The following RBFOX1 variants were observed in gnomAD, a reference collection of about 807,000 sequenced individuals.
RBFOX1 encodes the protein RNA binding fox-1 homolog 1, also known as RNA binding protein fox-1 homolog 1.
A neutral mutation model predicts 57.7 loss-of-function variants in RBFOX1; 8 were observed. The observed-to-expected ratio is 0.14, with a 90% CI of 0.08 to 0.25. The LOEUF is 0.25. Among genes scored for constraint, RBFOX1 ranks in the 10% least tolerant of loss-of-function variants. The pLI is 1.00. For missense variants in RBFOX1, 611 were observed against 548.5 expected (o/e 1.11, Z -1.14); for synonymous variants, 326 against 222.4 (o/e 1.47, Z -4.15).
intron 3 of RBFOX1, among the ~76,000 whole-genome samples, chr16:6,657,428 C>T (rs2098667028): frequency 6.6e-6 from 1 of 151,994 alleles, no homozygotes. Flanking sequence ...CCCCTCACCC[C>T]AGCAGAACAG....
intron 1 of RBFOX1, among the ~76,000 whole-genome samples, chr16:6,099,683 C>CA (rs2096282017): frequency 6.6e-6 from 1 of 152,160 alleles, no homozygotes. Context: ...ACTTCACAAA[C>CA]AGAGTCACAA....
intron 3 of RBFOX1, among the ~76,000 whole-genome samples, chr16:6,986,237 G>T (rs1481743385): frequency 6.9e-6 from 1 of 144,676 alleles, no homozygotes; most frequent in African/African-American, 2.8e-5. Flanking sequence ...GTCTTGGTCT[G>T]TCACCCAGGC....
At chr16:6,851,661 C>G (rs1235750772) in intron 3 of RBFOX1, among the ~76,000 whole-genome samples, 1 of 152,092 alleles carries the variant, frequency 6.6e-6, no homozygotes, top group South Asian at 2.1e-4. Context: ...GAACAAGGCT[C>G]TAGGGTCGAG....
chr16:6,781,220 A>G (rs752429627), intron 3 of RBFOX1, among the ~76,000 whole-genome samples: 1 of 152,176 alleles, frequency 6.6e-6, no homozygotes, highest in East Asian at 1.9e-4. Context: ...TGTTGATATG[A>G]TATGTCACAT....
At chr16:6,592,276 A>T (rs1230356644) in intron 2 of RBFOX1, among the ~76,000 whole-genome samples, 1 of 152,202 alleles carries the variant, frequency 6.6e-6, no homozygotes, top group Non-Finnish European at 1.5e-5. Context: ...TGGACATTGC[A>T]TACATATTAA....
rs2094917120 is a variant in RBFOX1, at chr16:7,599,810, T to TA, written c.622+2380dup. Among the ~76,000 whole-genome samples the TA allele has an allele frequency of 2.0e-5, 3 of 150,998 alleles. No individual in the cohort carries two copies. The South Asian group carries it at 6.3e-4, about 32-fold the overall frequency. On this transcript the variant is annotated intron_variant, in intron 9 of 15. Coordinates refer to ENST00000550418, the MANE Select transcript of RBFOX1 (RefSeq NM_018723.4). The stretch of plus-strand genomic sequence containing the variant: ...ACAATGCCTGGCTAGTTTTTTTTTT[T>TA]ATTTTTTGTAGAGACGGAGTTTCAC...
At chr16:5,449,957 A>G (rs979909440) in intron 1 of RBFOX1, among the ~76,000 whole-genome samples, 3 of 152,190 alleles carry the variant, frequency 2.0e-5, no homozygotes, top group African/African-American at 7.2e-5. Context: ...AGCTATGCAG[A>G]GCTTTCTACA....
chr16:6,144,970 G>C (rs1026803356), intron 1 of RBFOX1, among the ~76,000 whole-genome samples: 1 of 152,062 alleles, frequency 6.6e-6, no homozygotes, highest in South Asian at 2.1e-4. Flanking sequence ...AGAAGTCCTG[G>C]ACATCATGGC....
At chr16:5,751,467 T>C (rs2053200663) in intron 3 of RBFOX1, among the ~76,000 whole-genome samples, 1 of 152,256 alleles carries the variant, frequency 6.6e-6, no homozygotes, top group Non-Finnish European at 1.5e-5. Context: ...TGTAGACTTC[T>C]GCTTAAAATC....
chr16:7,332,006 C>T (rs1024954727), intron 4 of RBFOX1, among the ~76,000 whole-genome samples: 1 of 152,088 alleles, frequency 6.6e-6, no homozygotes, highest in Non-Finnish European at 1.5e-5. Context: ...GAAGACATCT[C>T]TTGTTAATGT....
At chr16:7,686,990 A>T (rs1213779938) in intron 14 of RBFOX1, among the ~76,000 whole-genome samples, 5 of 152,080 alleles carry the variant, frequency 3.3e-5, no homozygotes, top group Admixed American at 3.3e-4. Context: ...CTTTCTGTTT[A>T]AGCTTCTTTA....
At chr16:6,016,767 A>T (rs2094996293), upstream of RBFOX1, among the ~76,000 whole-genome samples, 1 of 152,344 alleles carries the variant, frequency 6.6e-6, no homozygotes, top group Admixed American at 6.5e-5. Context: ...TGTCAACTTC[A>T]GCACCTCTCA....
At chr16:7,352,395 C>G (rs904409771) in intron 4 of RBFOX1, among the ~76,000 whole-genome samples, 2 of 152,178 alleles carry the variant, frequency 1.3e-5, no homozygotes, top group Admixed American at 6.5e-5. Flanking sequence ...ATTTCCCCAT[C>G]TTGGACAGAG....
chr16:6,642,157 C>A (rs926130168), intron 2 of RBFOX1, among the ~76,000 whole-genome samples: 3 of 152,184 alleles, frequency 2.0e-5, no homozygotes, highest in Non-Finnish European at 4.4e-5. Context: ...AGGCAGGCGA[C>A]AAACCCAGGC....
At chr16:6,811,861 C>G (rs371965914) in intron 3 of RBFOX1, among the ~76,000 whole-genome samples, 13 of 152,154 alleles carry the variant, frequency 8.5e-5, no homozygotes, top group African/African-American at 3.1e-4. Flanking sequence ...TGCACTCGAG[C>G]CTGGGCAACA....
chr16:7,122,395 G>C (rs2067386665), intron 4 of RBFOX1, among the ~76,000 whole-genome samples: 1 of 152,096 alleles, frequency 6.6e-6, no homozygotes, highest in Non-Finnish European at 1.5e-5. Context: ...ATTGGGTCCT[G>C]AGTGGGGGGA....
intron 3 of RBFOX1, among the ~76,000 whole-genome samples, chr16:6,886,290 G>T (rs1010786415): frequency 6.6e-6 from 1 of 151,750 alleles, no homozygotes; most frequent in Non-Finnish European, 1.5e-5. Context: ...TCGATCTCTT[G>T]ACCTCACGTG....
rs190246397 is a variant in RBFOX1, at chr16:5,265,424, G to A, written c.219+25319G>A. Among the ~76,000 whole-genome samples, 448 of 152,268 alleles carry A rather than the reference G, an allele frequency of 2.9e-3. 1 individual carries two copies. The highest frequency in any genetic ancestry group is 9.7e-3 in the African/African-American group (403 of 41,544). ...TTCTGTACCAATTATATTAAAACACGACCAATGCTTTTGCTTTGTTGTCCC... is the reference window on the plus strand; with the variant it reads ...TTCTGTACCAATTATATTAAAACACAACCAATGCTTTTGCTTTGTTGTCCC... On this transcript the variant is annotated intron_variant, in intron 1 of 2. Transcript: ENST00000585867.
chr16:7,304,915 GGTGTGTGT>G (rs59599069), intron 4 of RBFOX1, among the ~76,000 whole-genome samples: 81,820 of 140,324 alleles, frequency 0.58, 23,788 homozygotes, highest in South Asian at 0.75. Context: ...TGTGTGGTGT[GGTGTGTGT>G]GTGTGTGTGT....
Sources: gnomAD v4.1 joint callset for allele counts (sites outside exome capture counted in the v4.1 genomes callset) on GRCh38, gnomAD v4.1.1 for gene constraint, MANE v1.5 for transcripts, NCBI Gene and HGNC (gene_info 2026-07-23, HGNC 2026-07-21) for gene names.